PALD1: variants seen among roughly 807,000 people sequenced by gnomAD.
PALD1 encodes the protein paladin.
Under a neutral mutation model 96.0 loss-of-function variants are expected in PALD1, and 57 were observed. The observed-to-expected ratio is 0.59, with a 90% CI of 0.48 to 0.74. The LOEUF is 0.74. PALD1 is among the 30% of genes least tolerant of loss of function. The probability of loss-of-function intolerance (pLI) is 0.00; values close to 1 mark genes in which losing one functional copy is unlikely to be tolerated. For missense variants in PALD1, 1,063 were observed against 1,143.7 expected (o/e 0.93, Z 1.02); for synonymous variants, 464 against 473.6 (o/e 0.98, Z 0.26).
chr10:70,545,885 T>C (rs1197562249), intron 17 of PALD1, among the ~76,000 whole-genome samples: 3 of 152,118 alleles, frequency 2.0e-5, no homozygotes, highest in African/African-American at 7.2e-5. Context: ...GCTATCTGTT[T>C]TATAGATCAA....
intron 1 of PALD1, among the ~76,000 whole-genome samples, chr10:70,488,977 C>T (rs1846057412): frequency 6.6e-6 from 1 of 151,564 alleles, no homozygotes; most frequent in African/African-American, 2.4e-5. Context: ...CCTTCTGCCG[C>T]TTCACCAATG....
At chr10:70,532,925 C>A in intron 6 of PALD1, 70 bp from the exon 7 acceptor site, 1 of 1,517,962 alleles carries the variant, frequency 6.6e-7, no homozygotes, top group Non-Finnish European at 9.0e-7. Context: ...AAACAGTGCC[C>A]GGGAATAGGG....
At chr10:70,532,516 C>A in intron 5 of PALD1, 105 bp from the exon 6 acceptor site, 1 of 1,128,636 alleles carries the variant, frequency 8.9e-7, no homozygotes, top group Non-Finnish European at 1.3e-6. Context: ...CAGAAGCCTG[C>A]CTGTGGCCTC....
chr10:70,511,487 C>T (rs553978187), intron 1 of PALD1, among the ~76,000 whole-genome samples: 1 of 152,374 alleles, frequency 6.6e-6, no homozygotes, highest in African/African-American at 2.4e-5. Flanking sequence ...GCATCTTATA[C>T]TGACGCTTAT....
At chr10:70,481,821 A>C (rs1301196655) in intron 1 of PALD1, among the ~76,000 whole-genome samples, 1 of 152,234 alleles carries the variant, frequency 6.6e-6, no homozygotes, top group Non-Finnish European at 1.5e-5. Context: ...GGCTATGCTC[A>C]GGTCTCCTCT....
At chr10:70,550,513 T>C (rs998752730) in intron 18 of PALD1, among the ~76,000 whole-genome samples, 7 of 152,342 alleles carry the variant, frequency 4.6e-5, no homozygotes, top group East Asian at 1.9e-4. Context: ...AATTCACTTA[T>C]TTATGGTGCA....
intron 17 of PALD1, among the ~76,000 whole-genome samples, chr10:70,545,799 G>A (rs1281714518): frequency 6.6e-6 from 1 of 151,954 alleles, no homozygotes; most frequent in African/African-American, 2.4e-5. Context: ...AGTGGCTGGG[G>A]GCTGCTGCAG....
intron 11 of PALD1, 72 bp from the exon 12 acceptor site, chr10:70,538,208 A>G (rs1847154850): frequency 2.0e-6 from 3 of 1,514,660 alleles, no homozygotes; most frequent in South Asian, 2.3e-5. Flanking sequence ...TTCCCCTGCC[A>G]TGGTGTGGGC....
chr10:70,533,884 TG>T, intron 7 of PALD1, 37 bp from the exon 8 acceptor site: 1 of 1,514,468 alleles, frequency 6.6e-7, no homozygotes, highest in South Asian at 1.3e-5. Context: ...CAGGGTTTCC[TG>T]GTCTCACTGG....
Position 70,567,990 on chromosome 10 carries a change from T to A in PALD1, c.*1257T>A, listed in dbSNP as rs1847885208. On this transcript the variant is annotated 3_prime_UTR_variant, in exon 20 of 20. Transcript: ENST00000263563. Reference sequence around the variant, plus strand: ...CTGTCTTTGGTTAGGCTCGTGTACTTCTGCAGGAAAAAAAAAAAAGGATGT... The same window carrying A: ...CTGTCTTTGGTTAGGCTCGTGTACTACTGCAGGAAAAAAAAAAAAGGATGT... 6.7e-6 allele frequency: 1 copy of A among 148,204 alleles called. No homozygotes were observed. Among genetic ancestry groups the A allele is most frequent in the African/African-American group, 2.5e-5 (1 of 40,084 alleles). 9.2% of individuals were successfully genotyped at this position (148,204 alleles called of 1,614,324 possible).
rs1358856539 is a variant in PALD1, at chr10:70,507,752, T to TGC, written c.-29-18170_-29-18169insCG. ...TACATTTGTATGTTTTGTGTGTGCG[T>TGC]GTGTGTGTGTGTGTGTGTGTGTGTG... On this transcript the variant is annotated intron_variant, in intron 1 of 19. Coordinates refer to ENST00000263563, the MANE Select transcript of PALD1 (RefSeq NM_014431.3). Among the ~76,000 whole-genome samples the TGC allele has an allele frequency of 5.7e-4, 12 of 21,164 alleles. No homozygotes were observed. In the East Asian group the frequency reaches 0.013, roughly 23 times the overall value. The allele number at this position is 21,164 out of a possible 152,430, so 13.9% of individuals were successfully genotyped here. A position where few individuals can be genotyped will look rare whatever the true frequency, so the allele number is the denominator to read the frequency against.
intron 1 of PALD1, among the ~76,000 whole-genome samples, chr10:70,485,105 C>G (rs1845995629): frequency 6.6e-6 from 1 of 152,108 alleles, no homozygotes; most frequent in Non-Finnish European, 1.5e-5. Context: ...CACAAAACCA[C>G]CATGTTTTTG....
chr10:70,530,189 G>T (rs1338242550), intron 4 of PALD1, 121 bp downstream of exon 4: 7 of 783,818 alleles, frequency 8.9e-6, no homozygotes, highest in Non-Finnish European at 1.3e-5. Context: ...TGGGGTAGTG[G>T]CCTGGACCAG....
intron 1 of PALD1, among the ~76,000 whole-genome samples, chr10:70,508,271 C>T (rs774894952): frequency 2.6e-4 from 39 of 152,308 alleles, no homozygotes; most frequent in Non-Finnish European, 4.0e-4. Flanking sequence ...ACACCCTGCT[C>T]CCACCCCCTG....
chr10:70,493,143 A>G (rs1331252984), intron 1 of PALD1, among the ~76,000 whole-genome samples: 1 of 152,022 alleles, frequency 6.6e-6, no homozygotes, highest in Non-Finnish European at 1.5e-5. Flanking sequence ...TTTTTGAATC[A>G]GGGCCTTGCT....
chr10:70,493,020 C>A (rs1171333821), intron 1 of PALD1, among the ~76,000 whole-genome samples: 1 of 152,160 alleles, frequency 6.6e-6, no homozygotes, highest in Non-Finnish European at 1.5e-5. Flanking sequence ...ACTCCATAGT[C>A]CCATTTTTGT....
chr10:70,557,950 T>TTTTTTTTTTTTG (rs71012214), intron 18 of PALD1, among the ~76,000 whole-genome samples: 4 of 135,326 alleles, frequency 3.0e-5, no homozygotes, highest in Non-Finnish European at 3.2e-5. Context: ...TTTTTTTTTT[T>TTTTTTTTTTTTG]AGAGACAGAG....
chr10:70,528,620 C>A (rs1024864390), intron 2 of PALD1, among the ~76,000 whole-genome samples: 1 of 152,012 alleles, frequency 6.6e-6, no homozygotes, highest in Non-Finnish European at 1.5e-5. Flanking sequence ...GATGGAGGGA[C>A]CATCCAGTGA....
chr10:70,505,390 G>A (rs535596358), intron 1 of PALD1, among the ~76,000 whole-genome samples: 218 of 152,188 alleles, frequency 1.4e-3, no homozygotes, highest in Admixed American at 3.5e-3. Flanking sequence ...GAGGTCGGGG[G>A]TTCGAGACTA....
Sources: gnomAD v4.1 joint callset for allele counts (sites outside exome capture counted in the v4.1 genomes callset) on GRCh38, gnomAD v4.1.1 for gene constraint, MANE v1.5 for transcripts, NCBI Gene and HGNC (gene_info 2026-07-23, HGNC 2026-07-21) for gene names.